Variants in ST6GAL2 observed in about 807,000 individuals in gnomAD.
ST6GAL2 encodes the protein ST6 beta-galactoside alpha-2,6-sialyltransferase 2.
A neutral mutation model predicts 37.5 loss-of-function variants in ST6GAL2; 24 were observed. The observed-to-expected ratio is 0.64, with a 90% CI of 0.46 to 0.90. The LOEUF is 0.90. ST6GAL2 is among the 40% of genes least tolerant of loss of function. The probability of loss-of-function intolerance (pLI) is 0.00; values close to 1 mark genes in which losing one functional copy is unlikely to be tolerated. For synonymous variants in ST6GAL2, 306 were observed against 295.1 expected (o/e 1.04, Z -0.38); for missense variants, 715 against 712.7 (o/e 1.00, Z -0.04).
chr2:106,833,619 C>A (rs1052917779), intron 3 of ST6GAL2, among the ~76,000 whole-genome samples: 5 of 152,086 alleles, frequency 3.3e-5, no homozygotes, highest in Admixed American at 6.6e-5. Flanking sequence ...AATTCCTTTC[C>A]ATTTTTTCAA....
In ST6GAL2 at chr2:106,803,988, C is replaced by T. The variant is rs1341313367; in HGVS notation, c.*2690G>A. The T allele has an allele frequency of 1.3e-5, 2 of 152,196 alleles. No homozygotes were observed. Among genetic ancestry groups the T allele is most frequent in the South Asian group, 2.1e-4 (1 of 4,826 alleles). The allele number at this position is 152,196 out of a possible 1,614,324, so 9.4% of individuals were successfully genotyped here. A position where few individuals can be genotyped will look rare whatever the true frequency, so the allele number is the denominator to read the frequency against. On this transcript the variant is annotated 3_prime_UTR_variant, in exon 6 of 6. Coordinates refer to ENST00000409382, the MANE Select transcript of ST6GAL2 (RefSeq NM_001142351.2). ...CATCAAGTTAACTGTAACTGCCCAACATTTTCTTAGAAGCCAAAGAACTTA... is the reference window on the plus strand; with the variant it reads ...CATCAAGTTAACTGTAACTGCCCAATATTTTCTTAGAAGCCAAAGAACTTA...
At chr2:106,826,033 G>T (rs1382666434) in intron 5 of ST6GAL2, among the ~76,000 whole-genome samples, 1 of 152,174 alleles carries the variant, frequency 6.6e-6, no homozygotes, top group Non-Finnish European at 1.5e-5. Context: ...TCCATACAAA[G>T]AAATGTCTTT....
intron 2 of ST6GAL2, among the ~76,000 whole-genome samples, chr2:106,838,892 C>T (rs1224346513): frequency 4.6e-5 from 7 of 151,842 alleles, no homozygotes; most frequent in Non-Finnish European, 7.4e-5. Flanking sequence ...AAAAATTAGC[C>T]GGGTATGGTG....
intron 1 of ST6GAL2, among the ~76,000 whole-genome samples, chr2:106,884,955 A>G (rs1275235602): frequency 7.2e-6 from 1 of 138,808 alleles, no homozygotes; most frequent in East Asian, 2.0e-4. Context: ...ACACACATAT[A>G]TACATATGTG....
chr2:106,832,967 G>A (rs1211472180), intron 3 of ST6GAL2, among the ~76,000 whole-genome samples: 6 of 152,018 alleles, frequency 3.9e-5, no homozygotes, highest in Non-Finnish European at 7.4e-5. Context: ...AATTCAAGCC[G>A]CACAACCTCT....
chr2:106,884,938 TACACAC>T (rs1553430039), intron 1 of ST6GAL2, among the ~76,000 whole-genome samples: 1 of 123,712 alleles, frequency 8.1e-6, no homozygotes, highest in Non-Finnish European at 1.7e-5. Context: ...TATATATACA[TACACAC>T]ACACACATAT....
chr2:106,855,686 C>A (rs1159564749), intron 1 of ST6GAL2, among the ~76,000 whole-genome samples: 2 of 151,876 alleles, frequency 1.3e-5, no homozygotes, highest in African/African-American at 4.8e-5. Context: ...TTCTATTTTA[C>A]CACATATTTA....
intron 5 of ST6GAL2, chr2:106,825,112 G>C (rs7567313): frequency 0.092 from 13,934 of 152,242 alleles, 898 homozygotes; most frequent in African/African-American, 0.13. Context: ...ATAATGATTC[G>C]TGCCTGCTAT....
intron 1 of ST6GAL2, among the ~76,000 whole-genome samples, chr2:106,858,203 T>C (rs1677656728): frequency 6.6e-6 from 1 of 152,202 alleles, no homozygotes; most frequent in Admixed American, 6.5e-5. Flanking sequence ...TTTACTCATG[T>C]TTTTTACTCA....
intron 1 of ST6GAL2, among the ~76,000 whole-genome samples, chr2:106,880,398 GT>G: frequency 6.6e-6 from 1 of 152,294 alleles, no homozygotes; most frequent in Admixed American, 6.5e-5. Flanking sequence ...TAGGATTCCA[GT>G]CATCAGCCTG....
At chr2:106,812,688 C>A (rs1193270447) in intron 5 of ST6GAL2, among the ~76,000 whole-genome samples, 1 of 152,192 alleles carries the variant, frequency 6.6e-6, no homozygotes, top group African/African-American at 2.4e-5. Flanking sequence ...CATATATGCA[C>A]AAATTCAAAG....
In ST6GAL2 at chr2:106,806,860, C is replaced by T. The variant is rs141942088; in HGVS notation, c.1408G>A (p.Glu470Lys). 15 of 1,613,992 alleles carry T rather than the reference C, an allele frequency of 9.3e-6. No homozygotes were observed. Among genetic ancestry groups the T allele is most frequent in the Admixed American group, 1.7e-5 (1 of 59,996 alleles). ...GTGCAGGCTGCGTCGTAGTACAGCT[C>T]GTGGTAGTGGCACAGCTCCGTCTGC... ...VRQTELCHYH[E>K]LYYDAACTLG... The change falls in exon 6 of 6, where the codon GAG (glutamate) becomes AAG (lysine). Residue 470 changes from glutamate (E) to lysine (K), a missense_variant. Transcript: ENST00000409382.
rs563107090 is a variant in ST6GAL2, at chr2:106,820,110, C to A, written c.1318+9956G>T. Reference sequence around the variant, plus strand: ...AAACAACAAAATGGCAGGAGTAAGTCCTTACTTATCAATAGTAACACTGAA... The same window carrying A: ...AAACAACAAAATGGCAGGAGTAAGTACTTACTTATCAATAGTAACACTGAA... On this transcript the variant is annotated intron_variant, in intron 5 of 5. Transcript: ENST00000409382. 6.6e-5 allele frequency among the ~76,000 whole-genome samples: 10 copies of A among 152,098 alleles called. No homozygotes were observed. In the East Asian group the frequency reaches 1.7e-3, roughly 27 times the overall value.
chr2:106,875,928 A>G (rs1459056648), intron 1 of ST6GAL2, among the ~76,000 whole-genome samples: 1 of 152,182 alleles, frequency 6.6e-6, no homozygotes, highest in Non-Finnish European at 1.5e-5. Flanking sequence ...TTCAGAGGCT[A>G]CAAGTTAAAT....
At chr2:106,840,870 G>C (rs1020712224) in intron 2 of ST6GAL2, among the ~76,000 whole-genome samples, 2 of 152,108 alleles carry the variant, frequency 1.3e-5, no homozygotes, top group African/African-American at 4.8e-5. Context: ...AACCAAACCG[G>C]AAGCAAGTTA....
At chr2:106,884,130 G>T (rs1417674667) in intron 1 of ST6GAL2, among the ~76,000 whole-genome samples, 2 of 152,068 alleles carry the variant, frequency 1.3e-5, no homozygotes, top group Admixed American at 6.5e-5. Flanking sequence ...CGGGGGTGGG[G>T]GGGTGGAACC....
intron 2 of ST6GAL2, among the ~76,000 whole-genome samples, chr2:106,842,824 C>T (rs1469736624): frequency 6.6e-6 from 1 of 152,176 alleles, no homozygotes; most frequent in African/African-American, 2.4e-5. Flanking sequence ...TAAGAGTCTC[C>T]CGAAGAGTAC....
chr2:106,871,714 C>T lies in ST6GAL2; in HGVS notation c.-58+14379G>A, dbSNP rs116200463. 7.4e-3 allele frequency among the ~76,000 whole-genome samples: 1,128 copies of T among 152,306 alleles called. 12 individuals are homozygous for T. The highest frequency in any genetic ancestry group is 0.037 in the South Asian group (177 of 4,820). On this transcript the variant is annotated intron_variant, in intron 1 of 5. Transcript: ENST00000409382. ...GGTCATCAACATCACTGTCTTCCAC[C>T]TCCCACATCTTGTCCCACTGGAAGG... is the stretch of plus-strand genomic sequence containing the variant.
At chr2:106,854,335 G>T (rs907975028) in intron 1 of ST6GAL2, among the ~76,000 whole-genome samples, 1 of 152,190 alleles carries the variant, frequency 6.6e-6, no homozygotes, top group Admixed American at 6.5e-5. Context: ...TGAGTTGTAA[G>T]ATCATCACTG....
Sources: gnomAD v4.1 joint callset for allele counts (sites outside exome capture counted in the v4.1 genomes callset) on GRCh38, gnomAD v4.1.1 for gene constraint, MANE v1.5 for transcripts, NCBI Gene and HGNC (gene_info 2026-07-23, HGNC 2026-07-21) for gene names.